TBL1Y: variants seen among roughly 807,000 people sequenced by gnomAD.
TBL1Y encodes F-box-like/WD repeat-containing protein TBL1Y.
A neutral mutation model predicts 12.0 loss-of-function variants in TBL1Y; 15 were observed. The observed-to-expected ratio is 1.25, with a 90% CI of 0.83 to 1.92. The LOEUF (loss-of-function observed/expected upper bound fraction) is 1.92, where lower values mean the gene tolerates loss of function less well. Ranked by LOEUF, TBL1Y falls within the 40% of genes most tolerant of loss-of-function variation. The pLI is 0.00. For missense variants in TBL1Y, 148 were observed against 116.7 expected, an observed-to-expected ratio of 1.27 and a Z score of -1.24; for synonymous variants, 53 against 42.6, an observed-to-expected ratio of 1.24 and a Z score of -0.95.
chrY:6,958,720 G>A, intron 2 of TBL1Y, among the ~76,000 whole-genome samples: 1 of 33,998 alleles, frequency 2.9e-5, no homozygotes, highest in Admixed American at 2.6e-4. Flanking sequence ...GACTGGACGT[G>A]TACGTAAGCC....
At chrY:7,067,426 G>T (rs760308619) in intron 8 of TBL1Y, among the ~76,000 whole-genome samples, 2 of 33,673 alleles carry the variant, frequency 5.9e-5, no homozygotes, top group Non-Finnish European at 1.5e-4. Flanking sequence ...AGACACTGCA[G>T]TGTAGCCTGG....
intron 6 of TBL1Y, among the ~76,000 whole-genome samples, chrY:7,027,011 C>G (rs979352819): frequency 3.1e-5 from 1 of 32,494 alleles, no homozygotes; most frequent in African/African-American, 1.2e-4. Context: ...GAAGCCCGTC[C>G]TTCCACCTCA....
chrY:6,987,704 T>C (rs777029862), intron 3 of TBL1Y, among the ~76,000 whole-genome samples: 1,276 of 33,576 alleles, frequency 0.038, no homozygotes, highest in Middle Eastern at 0.29. Context: ...GTGAGATCCA[T>C]CCCAGTTATG....
intron 2 of TBL1Y, among the ~76,000 whole-genome samples, chrY:6,941,239 C>T (rs2011949927): frequency 6.0e-5 from 2 of 33,322 alleles, no homozygotes; most frequent in African/African-American, 2.4e-4. Context: ...AAGCTTCTGT[C>T]GGCTGGTTGC....
At chrY:7,042,024 T>A (rs1603042651) in intron 6 of TBL1Y, among the ~76,000 whole-genome samples, 2 of 33,017 alleles carry the variant, frequency 6.1e-5, no homozygotes, top group East Asian at 1.6e-3. Flanking sequence ...GTGAAAGAGA[T>A]GATGCACTGG....
chrY:7,090,258 C>T, intron 18 of TBL1Y, 68 bp downstream of exon 18: 1 of 265,674 alleles, frequency 3.8e-6, no homozygotes, highest in Non-Finnish European at 5.9e-6. Context: ...AATCAGGCAG[C>T]TGATGCCTAA....
At chrY:6,977,895 T>C (rs189205028) in intron 2 of TBL1Y, among the ~76,000 whole-genome samples, 10 of 33,629 alleles carry the variant, frequency 3.0e-4, no homozygotes, top group African/African-American at 1.2e-3. Context: ...AGGAGACTTA[T>C]ACTGCAACGG....
chrY:7,002,783 C>G (rs758883033), intron 4 of TBL1Y, among the ~76,000 whole-genome samples: 46 of 33,822 alleles, frequency 1.4e-3, no homozygotes, highest in Middle Eastern at 0.027. Context: ...TGCAACATAT[C>G]TTACATCTCT....
intron 14 of TBL1Y, among the ~76,000 whole-genome samples, chrY:7,085,075 C>A: frequency 3.2e-5 from 1 of 30,911 alleles, no homozygotes; most frequent in Non-Finnish European, 7.7e-5. Context: ...TGCCTGTAAT[C>A]CCAGCACTTT....
chrY:7,063,430 G>C (rs950932861), intron 7 of TBL1Y, among the ~76,000 whole-genome samples: 1 of 32,691 alleles, frequency 3.1e-5, no homozygotes. Context: ...ATTCCGATTG[G>C]CTAATTTCAA....
chrY:7,039,563 T>C (rs2012712008), intron 6 of TBL1Y, among the ~76,000 whole-genome samples: 2 of 33,205 alleles, frequency 6.0e-5, no homozygotes, highest in Non-Finnish European at 1.5e-4. Context: ...GAGATTTGTC[T>C]AGCACATACA....
chrY:6,956,156 A>G, intron 2 of TBL1Y, among the ~76,000 whole-genome samples: 2 of 33,433 alleles, frequency 6.0e-5, no homozygotes, highest in African/African-American at 2.3e-4. Flanking sequence ...CTAGGCAACA[A>G]TATCAACCTG....
intron 2 of TBL1Y, among the ~76,000 whole-genome samples, chrY:6,959,609 C>G: frequency 6.0e-5 from 2 of 33,541 alleles, no homozygotes; most frequent in Admixed American, 5.4e-4. Flanking sequence ...ATTTGTGAGG[C>G]TATCAACAGC....
intron 7 of TBL1Y, among the ~76,000 whole-genome samples, chrY:7,062,412 G>A: frequency 3.0e-5 from 1 of 33,587 alleles, no homozygotes; most frequent in Non-Finnish European, 7.4e-5. Context: ...ATTTGAGGAT[G>A]GGTCCCTGAG....
chrY:7,085,191 CACACAG>C (rs2013120821), intron 14 of TBL1Y, among the ~76,000 whole-genome samples: 1 of 28,151 alleles, frequency 3.6e-5, no homozygotes, highest in African/African-American at 1.3e-4. Flanking sequence ...CACACACACA[CACACAG>C]ACACACACAC....
intron 7 of TBL1Y, among the ~76,000 whole-genome samples, chrY:7,043,426 C>T (rs2012739165): frequency 6.5e-5 from 2 of 30,766 alleles, no homozygotes; most frequent in Admixed American, 3.1e-4. Flanking sequence ...GAATCTGAGC[C>T]GAGAGAATGA....
chrY:7,063,518 A>T, intron 7 of TBL1Y, among the ~76,000 whole-genome samples: 5 of 32,665 alleles, frequency 1.5e-4, no homozygotes, highest in African/African-American at 2.4e-4. Context: ...AGGATGGAGT[A>T]GGTAATCGGA....
At chrY:7,084,568 C>T in intron 14 of TBL1Y, among the ~76,000 whole-genome samples, 1 of 33,913 alleles carries the variant, frequency 2.9e-5, no homozygotes, top group Non-Finnish European at 7.3e-5. Context: ...TCCCAAAGTG[C>T]TGGGATTAGA....
intron 7 of TBL1Y, among the ~76,000 whole-genome samples, chrY:7,061,493 CTCTT>C (rs2124171646): frequency 3.1e-5 from 1 of 32,638 alleles, no homozygotes; most frequent in South Asian, 7.2e-4. Flanking sequence ...TCCTGTCTCT[CTCTT>C]TCTGTCTGTT....
Sources: allele counts gnomAD v4.1 joint callset (sites outside exome capture counted in the v4.1 genomes callset), GRCh38; gene constraint gnomAD v4.1.1; transcripts MANE v1.5; gene names NCBI Gene and HGNC (gene_info 2026-07-23, HGNC 2026-07-21).